Variants in NOL11 observed in about 807,000 individuals in gnomAD.
NOL11 encodes the protein nucleolar protein 11.
In NOL11, 42 loss-of-function variants were observed where a neutral mutation model predicts 93.0. That is an observed-to-expected ratio of 0.45 (90% CI 0.35 to 0.58). NOL11 has a LOEUF of 0.58. NOL11 is among the 20% of genes least tolerant of loss of function. The pLI, the probability that NOL11 is intolerant of heterozygous loss-of-function variation, is 0.00. For synonymous variants in NOL11, 296 were observed against 293.7 expected (o/e 1.01, Z -0.08); for missense variants, 775 against 841.8 (o/e 0.92, Z 0.98).
At chr17:67,734,515 G>C in intron 8 of NOL11, 76 bp downstream of exon 8, 1 of 880,926 alleles carries the variant, frequency 1.1e-6, no homozygotes, top group South Asian at 1.4e-5. Flanking sequence ...TTTGAGATGG[G>C]GCCTCACTCT....
Position 67,737,128 on chromosome 17 carries a change from C to T in NOL11, c.1201C>T (p.Leu401Phe). The change falls in exon 11 of 18, where the codon CTT (leucine) becomes TTT (phenylalanine). Residue 401 changes from leucine (L) to phenylalanine (F), a missense_variant. By Grantham distance (22) the Leu-to-Phe change is conservative. This residue lies in a region of NOL11 where 416 missense variants were observed against 525.2 expected (regional missense o/e 0.79). Transcript: ENST00000253247. The part of the protein sequence containing the change: ...LQPEVPPSKQ[L>F]LSTIMKDSEK... ...GCCAGAGGTTCCACCATCCAAACAA[C>T]TTTTGTCAACCATAATGGTAAATAA... 6.2e-7 allele frequency: 1 copy of T among 1,606,994 alleles called. No individual in the cohort carries two copies. The highest frequency in any genetic ancestry group is 1.7e-4 in the Middle Eastern group (1 of 6,026).
intron 16 of NOL11, among the ~76,000 whole-genome samples, chr17:67,742,030 A>G (rs1292928330): frequency 2.0e-5 from 3 of 152,198 alleles, no homozygotes; most frequent in African/African-American, 7.2e-5. Flanking sequence ...ATCTTCAGTG[A>G]GGATCTTTAT....
At position 67,718,107 on chromosome 17, in the gene NOL11, G is replaced by T. The variant is rs368796197; in HGVS notation, c.141+19G>T. On this transcript the variant is annotated intron_variant, in intron 1 of 17. Coordinates refer to ENST00000253247, the MANE Select transcript of NOL11 (RefSeq NM_015462.5). ...CTATAAGGTGAAGGCAATAGGTTTG[G>T]GAGCGCCCCGACTGCCTTCTCGCCC... The T allele has an allele frequency of 3.1e-6, 5 of 1,607,074 alleles. No homozygotes were observed. The highest frequency in any genetic ancestry group is 4.3e-6 in the Non-Finnish European group (5 of 1,175,642).
chr17:67,726,404 G>A (rs1014334797), intron 6 of NOL11, 56 bp from the exon 7 acceptor site: 67 of 1,431,030 alleles, frequency 4.7e-5, no homozygotes, highest in Middle Eastern at 2.6e-4. Flanking sequence ...ACATTTAACT[G>A]TAATAGATAT....
intron 7 of NOL11, 199 bp downstream of exon 7, chr17:67,726,847 C>G (rs1434162894): frequency 4.5e-6 from 2 of 446,516 alleles, no homozygotes; most frequent in Non-Finnish European, 7.8e-6. Context: ...TTCAAAAACA[C>G]TTCTTGCTAT....
intron 11 of NOL11, 23 bp downstream of exon 11, chr17:67,737,168 T>A: frequency 6.9e-7 from 1 of 1,443,276 alleles, no homozygotes; most frequent in Non-Finnish European, 9.7e-7. Flanking sequence ...TATTGAAATA[T>A]GAAAAATCAA....
chr17:67,743,763 C>G lies in NOL11; in HGVS notation c.2064C>G (p.Leu688=). 6.5e-7 allele frequency: 1 copy of G among 1,528,558 alleles called. No individual in the cohort carries two copies. The highest frequency in any genetic ancestry group is 8.8e-7 in the Non-Finnish European group (1 of 1,138,460). The allele number at this position is 1,528,558 out of a possible 1,614,324, so 94.7% of individuals were successfully genotyped here. A position where few individuals can be genotyped will look rare whatever the true frequency, so the allele number is the denominator to read the frequency against. The change falls in exon 18 of 18, where the codon CTC becomes CTG. Residue 688 remains leucine (L), a synonymous_variant. Coordinates refer to ENST00000253247, the MANE Select transcript of NOL11 (RefSeq NM_015462.5). ...VKSQISVYSE[L]NKIEVSFREL... ...TTTAGATATCTGTTTATTCTGAGCT[C>G]AACAAGATTGAAGTAAGTTTTCGGG...
Position 67,739,602 on chromosome 17 carries a change from G to T in NOL11, c.1929G>T (p.Leu643Phe). ...MTLPGIHPPT[L>F]NQIMDWICLL... ...TTCCTGGAATACACCCACCTACCTT[G>T]AACCAGGTGAGATTATTTTTTTACT... Residue 643 changes from leucine to phenylalanine, a missense_variant, in exon 16 of 18, where the codon TTG becomes TTT. Coordinates refer to ENST00000253247, the MANE Select transcript of NOL11 (RefSeq NM_015462.5). 6.4e-7 allele frequency: 1 copy of T among 1,566,328 alleles called. No individual in the cohort carries two copies. The highest frequency in any genetic ancestry group is 1.2e-5 in the South Asian group (1 of 85,038).
Position 67,737,915 on chromosome 17 carries a change from A to G in NOL11, c.1472A>G (p.Gln491Arg). 2 of 1,613,772 alleles carry G rather than the reference A, an allele frequency of 1.2e-6. No individual in the cohort carries two copies. Among genetic ancestry groups the G allele is most frequent in the Non-Finnish European group, 1.7e-6 (2 of 1,179,890 alleles). The change falls in exon 13 of 18, where the codon CAG becomes CGG. Residue 491 changes from glutamine to arginine, a missense_variant. Physicochemically the swap from Gln to Arg is conservative, Grantham distance 43. Transcript: ENST00000253247. ...GTACAGTTGTTACAACTCTGTCTAC[A>G]GCAGTTCCCTGACATTCCTGAATCA... ...KDVQLLQLCL[Q>R]QFPDIPESVT...
chr17:67,734,296 C>T (rs995909706), intron 7 of NOL11, 67 bp from the exon 8 acceptor site: 3 of 856,008 alleles, frequency 3.5e-6, no homozygotes, highest in African/African-American at 3.4e-5. Context: ...CTGTAACTCC[C>T]CCCTTCCCCA....
intron 10 of NOL11, 38 bp from the exon 11 acceptor site, chr17:67,737,033 T>C (rs745554337): frequency 4.7e-6 from 6 of 1,276,888 alleles, no homozygotes; most frequent in South Asian, 2.4e-5. Flanking sequence ...GGATCTCTTA[T>C]ATTGTTTTGT....
chr17:67,733,757 C>G (rs1043274481), intron 7 of NOL11, among the ~76,000 whole-genome samples: 5 of 152,052 alleles, frequency 3.3e-5, no homozygotes, highest in African/African-American at 1.2e-4. Flanking sequence ...CCGAGGTGAT[C>G]ATATGGTTAT....
intron 7 of NOL11, among the ~76,000 whole-genome samples, chr17:67,730,544 G>C (rs1395728442): frequency 6.6e-6 from 1 of 152,246 alleles, no homozygotes; most frequent in Non-Finnish European, 1.5e-5. Flanking sequence ...ACAGGCGTGA[G>C]CCACTGCGCC....
chr17:67,718,145 G>T, intron 1 of NOL11, 57 bp downstream of exon 1: 4 of 1,587,534 alleles, frequency 2.5e-6, no homozygotes, highest in Non-Finnish European at 3.4e-6. Flanking sequence ...TTCTGAGCGC[G>T]GAGCTCGAGC....
chr17:67,721,657 G>T, intron 4 of NOL11, 131 bp downstream of exon 4: 1 of 721,614 alleles, frequency 1.4e-6, no homozygotes, highest in South Asian at 1.9e-5. Context: ...ACAAAACACT[G>T]ACTAAAACAA....
chr17:67,735,271 G>A (rs974930388), intron 8 of NOL11, among the ~76,000 whole-genome samples: 20 of 152,068 alleles, frequency 1.3e-4, no homozygotes, highest in African/African-American at 4.6e-4. Flanking sequence ...CAAGGCAATA[G>A]GATGTTTTGG....
intron 6 of NOL11, among the ~76,000 whole-genome samples, chr17:67,724,872 C>T (rs1288485935): frequency 6.6e-6 from 1 of 151,978 alleles, no homozygotes; most frequent in Non-Finnish European, 1.5e-5. Context: ...TCCTGGCTAA[C>T]ATGGTGAAAC....
At chr17:67,719,439 TTAG>T (rs1301085214) in intron 1 of NOL11, 1 of 285,750 alleles carries the variant, frequency 3.5e-6, no homozygotes, top group Non-Finnish European at 6.7e-6. Flanking sequence ...TTTTGTGTTT[TTAG>T]TAGAGACAGG....
intron 8 of NOL11, among the ~76,000 whole-genome samples, chr17:67,734,915 C>T (rs1453200916): frequency 6.6e-6 from 1 of 152,184 alleles, no homozygotes. Flanking sequence ...GTTGAAATCA[C>T]TTCCAAAATT....
Sources: allele counts gnomAD v4.1 joint callset (sites outside exome capture counted in the v4.1 genomes callset), GRCh38; gene constraint gnomAD v4.1.1; regional missense constraint gnomAD v4.1.1; transcripts MANE v1.5; gene names NCBI Gene and HGNC (gene_info 2026-07-23, HGNC 2026-07-21).